The following ELK4 variants were observed in gnomAD, a reference collection of about 807,000 sequenced individuals.
The protein encoded by ELK4 is ETS domain-containing protein Elk-4.
In ELK4, 16 loss-of-function variants were observed where a neutral mutation model predicts 29.6. The ratio of observed to expected loss-of-function variants is 0.54; its 90% CI spans 0.37 to 0.82. ELK4 has a LOEUF of 0.82. ELK4 is among the 40% of genes least tolerant of loss of function. The pLI is 0.00. For missense variants in ELK4, 465 were observed against 507.1 expected, an observed-to-expected ratio of 0.92 and a Z score of 0.80; for synonymous variants, 213 against 191.1, an observed-to-expected ratio of 1.11 and a Z score of -0.95.
chr1:205,630,707 C>T (rs1343270314), intron 1 of ELK4, among the ~76,000 whole-genome samples: 1 of 152,182 alleles, frequency 6.6e-6, no homozygotes. Context: ...ATTCCACTTA[C>T]GCAGTTTTAA....
At chr1:205,628,451 T>C (rs1670508178) in intron 1 of ELK4, among the ~76,000 whole-genome samples, 1 of 152,182 alleles carries the variant, frequency 6.6e-6, no homozygotes, top group South Asian at 2.1e-4. Context: ...TATGAATCCA[T>C]TCGTGAGATG....
At chr1:205,619,490 G>A in intron 3 of ELK4, 1 of 1,077,652 alleles carries the variant, frequency 9.3e-7, no homozygotes, top group Non-Finnish European at 1.1e-6. Context: ...TTTTAATAAT[G>A]AGGTGTGTGA....
In ELK4 at chr1:205,610,247, G is replaced by A. The variant is rs951089126; in HGVS notation, c.*6299C>T. On this transcript the variant is annotated 3_prime_UTR_variant, in exon 5 of 5. Transcript: ENST00000357992. ...CCTTGGAAGGGAAAAGAACCAGAAG[G>A]AGCCTTTATGAGATGGGAAACAAGG... is the stretch of plus-strand genomic sequence containing the variant. 8.6e-6 allele frequency: 2 copies of A among 231,756 alleles called. No individual in the cohort carries two copies. Among genetic ancestry groups the A allele is most frequent in the Non-Finnish European group, 1.7e-5 (2 of 117,150 alleles). 14.4% of individuals were successfully genotyped at this position (231,756 alleles called of 1,614,324 possible).
At chr1:205,621,016 G>T (rs1157060881) in intron 2 of ELK4, among the ~76,000 whole-genome samples, 178 bp from the exon 3 acceptor site, 1 of 151,822 alleles carries the variant, frequency 6.6e-6, no homozygotes, top group Non-Finnish European at 1.5e-5. Context: ...CCAACATGGT[G>T]AAACCCCGTC....
intron 4 of ELK4, 136 bp downstream of exon 4, chr1:205,618,821 C>G (rs1486686592): frequency 1.7e-6 from 1 of 602,284 alleles, no homozygotes; most frequent in Non-Finnish European, 2.7e-6. Context: ...AGGACTCCAT[C>G]TCAAAAAAAT....
Position 205,631,764 on chromosome 1 carries a change from G to A in ELK4, c.-142C>T, listed in dbSNP as rs1473584280. 1 of 260,240 alleles carries A rather than the reference G, an allele frequency of 3.8e-6. No homozygotes were observed. Among genetic ancestry groups the A allele is most frequent in the South Asian group, 3.5e-5 (1 of 28,886 alleles). 16.1% of individuals were successfully genotyped at this position (260,240 alleles called of 1,614,324 possible). A position where few individuals can be genotyped will look rare whatever the true frequency, so the allele number is the denominator to read the frequency against. On this transcript the variant is annotated 5_prime_UTR_variant, in exon 1 of 5. Transcript: ENST00000357992. The stretch of plus-strand genomic sequence containing the variant: ...CTGCGACCCCCGCGGCGGAGCCGTA[G>A]AAGGCGGCGGCGGCCAAGCCGAGCC...
chr1:205,619,151 C>T (rs939441568), intron 3 of ELK4, 78 bp from the exon 4 acceptor site: 1 of 1,291,924 alleles, frequency 7.7e-7, no homozygotes, highest in African/African-American at 1.5e-5. Flanking sequence ...ACAAATAACC[C>T]AAACCTAAAT....
At chr1:205,626,729 T>G (rs1365360931) in intron 1 of ELK4, among the ~76,000 whole-genome samples, 1 of 152,230 alleles carries the variant, frequency 6.6e-6, no homozygotes, top group Non-Finnish European at 1.5e-5. Flanking sequence ...TGTACATTGC[T>G]GGTGGGAATG....
At chr1:205,626,017 C>CT (rs759238924) in intron 1 of ELK4, 9 of 1,443,922 alleles carry the variant, frequency 6.2e-6, no homozygotes, top group African/African-American at 1.4e-5. Context: ...CATCTCCGAG[C>CT]TGAGGATGCC....
At chr1:205,618,882 G>C in intron 4 of ELK4, 75 bp downstream of exon 4, 1 of 1,101,740 alleles carries the variant, frequency 9.1e-7, no homozygotes, top group South Asian at 1.4e-5. Flanking sequence ...AAACTGAATA[G>C]TGGGACCCTG....
intron 2 of ELK4, among the ~76,000 whole-genome samples, chr1:205,622,551 C>T (rs926142997): frequency 1.3e-5 from 2 of 152,038 alleles, no homozygotes; most frequent in African/African-American, 4.8e-5. Context: ...CACCACCGCG[C>T]CACACTGTTT....
At chr1:205,619,656 C>T (rs563558851) in intron 3 of ELK4, 2 of 1,367,744 alleles carry the variant, frequency 1.5e-6, no homozygotes, top group East Asian at 2.7e-5. Context: ...TTTTATAAGA[C>T]ACCAACGAGT....
At chr1:205,629,581 G>A (rs1428731222) in intron 1 of ELK4, among the ~76,000 whole-genome samples, 2 of 152,134 alleles carry the variant, frequency 1.3e-5, no homozygotes, top group Non-Finnish European at 2.9e-5. Context: ...CCTGGGCGTG[G>A]TGGTGGGCAC....
chr1:205,621,996 G>C (rs1433264857), intron 2 of ELK4, among the ~76,000 whole-genome samples: 1 of 151,734 alleles, frequency 6.6e-6, no homozygotes, highest in Non-Finnish European at 1.5e-5. Context: ...TGGACTGCCT[G>C]AGGTCAGGAG....
At chr1:205,627,647 CACA>C (rs995896063) in intron 1 of ELK4, among the ~76,000 whole-genome samples, 2 of 152,020 alleles carry the variant, frequency 1.3e-5, no homozygotes, top group Admixed American at 6.6e-5. Context: ...AAACAAACAA[CACA>C]ACAAACACTA....
chr1:205,624,395 C>T (rs1670413594), intron 1 of ELK4, among the ~76,000 whole-genome samples: 1 of 152,168 alleles, frequency 6.6e-6, no homozygotes, highest in South Asian at 2.1e-4. Flanking sequence ...GTGTCTATCT[C>T]AGGGTGGCCC....
chr1:205,625,907 G>C (rs1670445234), intron 1 of ELK4: 1 of 727,082 alleles, frequency 1.4e-6, no homozygotes, highest in South Asian at 1.4e-5. Flanking sequence ...TTGAACTCCT[G>C]ACCTCATGAT....
At chr1:205,622,463 G>A (rs1474465118) in intron 2 of ELK4, among the ~76,000 whole-genome samples, 2 of 152,126 alleles carry the variant, frequency 1.3e-5, no homozygotes, top group African/African-American at 4.8e-5. Flanking sequence ...GTGTGATCAT[G>A]GCTCACTGCA....
rs941993361 is a variant in ELK4, at chr1:205,608,730, G to A, written c.*7816C>T. ...CATTATATGTAAGTATCTCTACAAAGTGTTAGATACTGGATATGAGATACA... is the reference window on the plus strand; with the variant it reads ...CATTATATGTAAGTATCTCTACAAAATGTTAGATACTGGATATGAGATACA... On this transcript the variant is annotated 3_prime_UTR_variant, in exon 5 of 5. Transcript: ENST00000357992. The A allele has an allele frequency of 1.2e-4, 23 of 192,372 alleles. No homozygotes were observed. The allele number at this position is 192,372 out of a possible 1,614,324, so 11.9% of individuals were successfully genotyped here.
Sources: allele counts gnomAD v4.1 joint callset (sites outside exome capture counted in the v4.1 genomes callset), GRCh38; gene constraint gnomAD v4.1.1; transcripts MANE v1.5; gene names NCBI Gene and HGNC (gene_info 2026-07-23, HGNC 2026-07-21).